KHDRBS2: variants seen among roughly 807,000 people sequenced by gnomAD.
The protein encoded by KHDRBS2 is KH domain-containing, RNA-binding, signal transduction-associated protein 2.
Under a neutral mutation model 44.3 loss-of-function variants are expected in KHDRBS2, and 26 were observed. That is an observed-to-expected ratio of 0.59 (90% CI 0.43 to 0.81). KHDRBS2 has a LOEUF of 0.81. KHDRBS2 is among the 40% of genes least tolerant of loss of function. The probability of loss-of-function intolerance (pLI) is 0.00; values close to 1 mark genes in which losing one functional copy is unlikely to be tolerated. For synonymous variants in KHDRBS2, 194 were observed against 151.1 expected, an observed-to-expected ratio of 1.28 and a Z score of -2.08; for missense variants, 476 against 433.1, an observed-to-expected ratio of 1.10 and a Z score of -0.88.
intron 2 of KHDRBS2, among the ~76,000 whole-genome samples, chr6:62,100,327 C>T (rs569026388): frequency 1.3e-5 from 2 of 152,200 alleles, no homozygotes; most frequent in South Asian, 4.1e-4. Flanking sequence ...GAAATCTATT[C>T]CTGATGAAGA....
At chr6:61,991,889 C>G (rs1776205667) in intron 3 of KHDRBS2, among the ~76,000 whole-genome samples, 1 of 152,168 alleles carries the variant, frequency 6.6e-6, no homozygotes, top group Non-Finnish European at 1.5e-5. Context: ...ATGTTGCCCA[C>G]TGGGAAGGCA....
At chr6:61,579,483 A>G in the KHDRBS2 span, among the ~76,000 whole-genome samples, 1 of 152,286 alleles carries the variant, frequency 6.6e-6, no homozygotes, top group East Asian at 1.9e-4. Context: ...TGTTTTCCAC[A>G]TGCTTTAGGT....
chr6:62,152,062 G>C (rs1214110804), intron 2 of KHDRBS2, among the ~76,000 whole-genome samples: 1 of 152,158 alleles, frequency 6.6e-6, no homozygotes, highest in Non-Finnish European at 1.5e-5. Flanking sequence ...GCTCACACCT[G>C]TAACCCCAGC....
chr6:61,641,271 C>A, the KHDRBS2 span, among the ~76,000 whole-genome samples: 2 of 152,108 alleles, frequency 1.3e-5, no homozygotes, highest in East Asian at 1.9e-4. Context: ...GCATGCCACT[C>A]TCATATTCAA....
chr6:61,878,530 A>C (rs893097107), intron 6 of KHDRBS2, among the ~76,000 whole-genome samples: 24 of 152,042 alleles, frequency 1.6e-4, no homozygotes, highest in African/African-American at 5.6e-4. Flanking sequence ...AGCATGAACT[A>C]GAGCTAGACC....
intron 6 of KHDRBS2, among the ~76,000 whole-genome samples, chr6:61,774,297 G>C (rs1196309332): frequency 6.6e-6 from 1 of 152,150 alleles, no homozygotes. Context: ...TCTTCCATCT[G>C]TTTGTATCCT....
chr6:62,219,665 TA>T (rs1210449998), intron 1 of KHDRBS2, among the ~76,000 whole-genome samples: 9 of 151,106 alleles, frequency 6.0e-5, no homozygotes, highest in Admixed American at 1.3e-4. Context: ...TTATTTTTCT[TA>T]AGAGTAATAA....
At chr6:61,723,228 C>G (rs138161952) in intron 7 of KHDRBS2, among the ~76,000 whole-genome samples, 1 of 151,944 alleles carries the variant, frequency 6.6e-6, no homozygotes, top group East Asian at 1.9e-4. Context: ...AAACCCCATT[C>G]AATGGTTTGC....
chr6:61,805,675 G>C (rs1345161222), intron 6 of KHDRBS2, among the ~76,000 whole-genome samples: 1 of 152,148 alleles, frequency 6.6e-6, no homozygotes, highest in African/African-American at 2.4e-5. Context: ...CTTCACAGGG[G>C]AGCAGGAGAG....
chr6:62,259,738 AAAAGCCACTCCAAGGC>A (rs1461165372), intron 1 of KHDRBS2, among the ~76,000 whole-genome samples: 1 of 151,984 alleles, frequency 6.6e-6, no homozygotes, highest in Non-Finnish European at 1.5e-5. Flanking sequence ...ACAGAAAGGT[AAAAGCCACTCCAAGGC>A]AATTTTTTAC....
intron 6 of KHDRBS2, among the ~76,000 whole-genome samples, chr6:61,750,208 A>G (rs1182510269): frequency 6.6e-6 from 1 of 152,200 alleles, no homozygotes; most frequent in Admixed American, 6.5e-5. Context: ...CAAAAGAGAC[A>G]AAAGGTCATT....
chr6:61,766,622 T>G (rs1238417667), intron 6 of KHDRBS2, among the ~76,000 whole-genome samples: 1 of 152,066 alleles, frequency 6.6e-6, no homozygotes, highest in Non-Finnish European at 1.5e-5. Flanking sequence ...CTCTTAGTAC[T>G]TCTTTTGCTG....
chr6:61,956,279 A>G (rs1583774805), intron 4 of KHDRBS2, among the ~76,000 whole-genome samples: 2 of 152,260 alleles, frequency 1.3e-5, no homozygotes, highest in South Asian at 4.1e-4. Context: ...AGCATATGTA[A>G]TTCTGATTCT....
chr6:61,771,325 C>T (rs555001596), intron 6 of KHDRBS2, among the ~76,000 whole-genome samples: 8 of 152,250 alleles, frequency 5.3e-5, no homozygotes, highest in African/African-American at 9.6e-5. Context: ...GGATCAAATT[C>T]ACACATAACA....
In KHDRBS2 at chr6:61,681,709, G is replaced by A. The variant is rs575884225; in HGVS notation, c.953-649C>T. On this transcript the variant is annotated intron_variant, in intron 8 of 8. Coordinates refer to ENST00000281156, the MANE Select transcript of KHDRBS2 (RefSeq NM_152688.4). ...AAATAAAGAAGTATTAGTACACCAG[G>A]AAAACTCCATTTACCTGCTAATTTT... Among the ~76,000 whole-genome samples the A allele has an allele frequency of 3.3e-5, 5 of 151,948 alleles. No individual in the cohort carries two copies. The South Asian group carries it at 1.0e-3, about 32-fold the overall frequency.
At chr6:62,199,411 TGC>T (rs1826426446) in intron 1 of KHDRBS2, among the ~76,000 whole-genome samples, 1 of 152,166 alleles carries the variant, frequency 6.6e-6, no homozygotes, top group Non-Finnish European at 1.5e-5. Context: ...AAAATCAATG[TGC>T]AAAAATCACA....
In KHDRBS2 at chr6:61,997,722, T is replaced by C. The variant is rs114436488; in HGVS notation, c.337-19510A>G. ...AGGATATAGTGAGCAGCATCATATA[T>C]ACTGACTCTGGAGAATGTTCTCTCA... On this transcript the variant is annotated intron_variant, in intron 3 of 8. Transcript: ENST00000281156. 2.0e-3 allele frequency among the ~76,000 whole-genome samples: 309 copies of C among 152,316 alleles called. 2 individuals are homozygous for C. The highest frequency in any genetic ancestry group is 7.1e-3 in the African/African-American group (296 of 41,572).
chr6:62,268,774 T>C (rs1276082954), intron 1 of KHDRBS2, among the ~76,000 whole-genome samples: 1 of 152,018 alleles, frequency 6.6e-6, no homozygotes, highest in Non-Finnish European at 1.5e-5. Context: ...TAGGATTACA[T>C]AGCTATGTAT....
At chr6:61,781,032 A>T (rs1408625144) in intron 6 of KHDRBS2, among the ~76,000 whole-genome samples, 5 of 152,198 alleles carry the variant, frequency 3.3e-5, no homozygotes, top group Non-Finnish European at 7.3e-5. Context: ...TAAAGTGACA[A>T]TTATGTAAGC....
Sources: gnomAD v4.1 joint callset for allele counts (sites outside exome capture counted in the v4.1 genomes callset) on GRCh38, gnomAD v4.1.1 for gene constraint, MANE v1.5 for transcripts, NCBI Gene and HGNC (gene_info 2026-07-23, HGNC 2026-07-21) for gene names.